The following MRAP2 variants were observed in gnomAD, a reference collection of about 807,000 sequenced individuals.
MRAP2 encodes melanocortin 2 receptor accessory protein 2, also known as melanocortin-2 receptor accessory protein 2.
MRAP2 carries 20 observed loss-of-function variants against 17.4 expected under a neutral mutation model. The ratio of observed to expected loss-of-function variants is 1.15; its 90% CI spans 0.81 to 1.67. The LOEUF (loss-of-function observed/expected upper bound fraction) is 1.67. Among genes scored for constraint, MRAP2 ranks in the 40% most tolerant of loss-of-function variants. MRAP2 has a pLI of 0.00. For synonymous variants in MRAP2, 96 were observed against 88.4 expected (o/e 1.09, Z -0.48); for missense variants, 238 against 240.0 (o/e 0.99, Z 0.05).
At chr6:84,079,412 A>G (rs942161810) in intron 3 of MRAP2, among the ~76,000 whole-genome samples, 1 of 152,248 alleles carries the variant, frequency 6.6e-6, no homozygotes, top group African/African-American at 2.4e-5. Context: ...TGAATGGAAT[A>G]AAACTTTCTG....
At chr6:84,094,957 G>A (rs139872831), downstream of MRAP2, among the ~76,000 whole-genome samples, 1 of 152,166 alleles carries the variant, frequency 6.6e-6, no homozygotes, top group Admixed American at 6.5e-5. Context: ...AGGCAATCTA[G>A]TCAGTTTATA....
chr6:84,064,720 TTCGTGA>T (rs1196816167), intron 3 of MRAP2, among the ~76,000 whole-genome samples: 1 of 152,056 alleles, frequency 6.6e-6, no homozygotes, highest in African/African-American at 2.4e-5. Context: ...ATCTGCTGAC[TTCGTGA>T]TCCGCCCGCC....
At chr6:84,123,889 G>A in the MRAP2 span, among the ~76,000 whole-genome samples, 7 of 152,026 alleles carry the variant, frequency 4.6e-5, no homozygotes, top group South Asian at 2.1e-4. Context: ...AAACAATCCC[G>A]TTACAAACTG....
intron 1 of MRAP2, among the ~76,000 whole-genome samples, chr6:84,040,207 T>G (rs925621487): frequency 6.6e-6 from 1 of 152,226 alleles, no homozygotes; most frequent in Admixed American, 6.5e-5. Flanking sequence ...TTCTCCTTGC[T>G]GCCGCTATGT....
chr6:84,084,958 T>C (rs566496850), intron 3 of MRAP2, among the ~76,000 whole-genome samples: 26 of 138,440 alleles, frequency 1.9e-4, no homozygotes, highest in African/African-American at 6.4e-4. Context: ...TTTATTTTAT[T>C]TTATTATACT....
chr6:84,131,535 T>C, the MRAP2 span, among the ~76,000 whole-genome samples: 1 of 152,330 alleles, frequency 6.6e-6, no homozygotes, highest in African/African-American at 2.4e-5. Context: ...TGCTCCTGCA[T>C]TGGGTGCATA....
At chr6:84,091,027 A>G (rs766441524), downstream of MRAP2, 11 of 152,196 alleles carry the variant, frequency 7.2e-5, no homozygotes, top group Non-Finnish European at 1.3e-4. Flanking sequence ...TGAGCCATGC[A>G]TGAGATTTAG....
chr6:84,139,933 G>GCTGGTGTGTTCATGGTTCTCACCAGA, the MRAP2 span, among the ~76,000 whole-genome samples: 11 of 151,142 alleles, frequency 7.3e-5, no homozygotes, highest in African/African-American at 2.7e-4. Context: ...ACCCTCTCAG[G>GCTGGTGTGTTCATGGTTCTCACCAGA]CTGGTGTGTT....
chr6:84,120,250 T>C, the MRAP2 span, among the ~76,000 whole-genome samples: 84 of 152,174 alleles, frequency 5.5e-4, no homozygotes, highest in Non-Finnish European at 1.1e-3. Context: ...CCTGTCCACA[T>C]TGTGTGAGGA....
chr6:84,034,237 G>A (rs1260521339), intron 1 of MRAP2, among the ~76,000 whole-genome samples: 1 of 152,070 alleles, frequency 6.6e-6, no homozygotes, highest in Non-Finnish European at 1.5e-5. Flanking sequence ...CCGCTGGTGA[G>A]AAAACTTTCC....
intron 1 of MRAP2, chr6:84,045,421 C>T: frequency 1.0e-6 from 1 of 979,452 alleles, no homozygotes; most frequent in South Asian, 4.7e-5. Flanking sequence ...GAATGACCTG[C>T]CCCCAGCCGT....
chr6:84,088,801 AC>A (rs1245635608), intron 3 of MRAP2, among the ~76,000 whole-genome samples: 8 of 152,188 alleles, frequency 5.3e-5, no homozygotes, highest in African/African-American at 1.9e-4. Context: ...CAAGAATTCC[AC>A]TGAAAAATAC....
intron 2 of MRAP2, among the ~76,000 whole-genome samples, chr6:84,059,344 G>A (rs1025442066): frequency 6.6e-5 from 10 of 152,202 alleles, no homozygotes; most frequent in African/African-American, 2.4e-4. Flanking sequence ...ACAAGTGTGG[G>A]AACATCACTG....
chr6:84,080,688 A>T (rs1015356485), intron 3 of MRAP2, among the ~76,000 whole-genome samples: 1 of 152,222 alleles, frequency 6.6e-6, no homozygotes, highest in African/African-American at 2.4e-5. Flanking sequence ...CTGGTCCAGC[A>T]TTATTCTGTT....
chr6:84,140,881 T>A, the MRAP2 span, among the ~76,000 whole-genome samples: 1 of 152,156 alleles, frequency 6.6e-6, no homozygotes, highest in Admixed American at 6.5e-5. Flanking sequence ...GTTCCCAGAC[T>A]TTTTGGTACC....
the MRAP2 span, among the ~76,000 whole-genome samples, chr6:84,145,371 T>C: frequency 6.6e-6 from 1 of 152,170 alleles, no homozygotes; most frequent in Admixed American, 6.6e-5. Context: ...AAAGAGCCTA[T>C]ATGATTAATC....
Position 84,088,970 on chromosome 6 carries a change from G to A in MRAP2, c.228-121G>A, listed in dbSNP as rs2099501149. On this transcript the variant is annotated intron_variant, in intron 3 of 3. Transcript: ENST00000257776. ...ATGTTTGTCTGCATGCCATGCAAGG[G>A]GCTTACACTCAATAGGTGCTTAGTG... 6.7e-6 allele frequency: 7 copies of A among 1,049,948 alleles called. No individual in the cohort carries two copies. In the East Asian group the frequency reaches 1.5e-4, roughly 22 times the overall value. The allele number at this position is 1,049,948 out of a possible 1,614,324, so 65.0% of individuals were successfully genotyped here. A position where few individuals can be genotyped will look rare whatever the true frequency, so the allele number is the denominator to read the frequency against.
At chr6:84,092,594 A>G (rs551053914), downstream of MRAP2, among the ~76,000 whole-genome samples, 1 of 152,268 alleles carries the variant, frequency 6.6e-6, no homozygotes, top group Non-Finnish European at 1.5e-5. Flanking sequence ...CCAAAATACA[A>G]TGATGTGACC....
rs924699644 is a variant in MRAP2 at position 84,080,776 on chromosome 6, G to A, written c.228-8315G>A. ...ACAAAAGTAGAAAGTAAAATTAATA[G>A]TAATATGATAATCTCAGTTTGCCTA... On this transcript the variant is annotated intron_variant, in intron 3 of 3. Transcript: ENST00000257776. 7.2e-5 allele frequency among the ~76,000 whole-genome samples: 11 copies of A among 152,298 alleles called. No individual in the cohort carries two copies. The South Asian group carries it at 1.5e-3, about 20-fold the overall frequency.
Sources: allele counts gnomAD v4.1 joint callset (sites outside exome capture counted in the v4.1 genomes callset), GRCh38; gene constraint gnomAD v4.1.1; transcripts MANE v1.5; gene names NCBI Gene and HGNC (gene_info 2026-07-23, HGNC 2026-07-21).